PDE3B: variants seen among roughly 807,000 people sequenced by gnomAD.
PDE3B encodes phosphodiesterase 3B.
In PDE3B, 66 loss-of-function variants were observed where a neutral mutation model predicts 116.8. That is an observed-to-expected ratio of 0.56 (90% confidence interval 0.46 to 0.69). The LOEUF is 0.69. Ranked by LOEUF, PDE3B falls within the 30% of genes least tolerant of loss-of-function variation. PDE3B has a pLI of 0.00. For synonymous variants in PDE3B, 595 were observed against 533.6 expected (o/e 1.12, Z -1.59); for missense variants, 1,384 against 1,368.1 (o/e 1.01, Z -0.18).
At chr11:14,659,199 G>C (rs902928446) in intron 1 of PDE3B, among the ~76,000 whole-genome samples, 1 of 152,164 alleles carries the variant, frequency 6.6e-6, no homozygotes, top group African/African-American at 2.4e-5. Context: ...TGCAGGAGTT[G>C]CCTCTAAAAT....
intron 1 of PDE3B, among the ~76,000 whole-genome samples, chr11:14,691,898 C>G (rs1038430398): frequency 1.3e-5 from 2 of 152,082 alleles, no homozygotes; most frequent in Non-Finnish European, 2.9e-5. Flanking sequence ...ATTGTGTTTA[C>G]TAAGATCAAA....
chr11:14,651,760 GTTTAT>G (rs1270917315), intron 1 of PDE3B, among the ~76,000 whole-genome samples: 1 of 152,124 alleles, frequency 6.6e-6, no homozygotes, highest in Non-Finnish European at 1.5e-5. Flanking sequence ...ATATTGAAAA[GTTTAT>G]TTATTCTCCA....
At chr11:14,729,663 T>C (rs950483343) in intron 1 of PDE3B, among the ~76,000 whole-genome samples, 4 of 152,258 alleles carry the variant, frequency 2.6e-5, no homozygotes, top group Admixed American at 2.0e-4. Flanking sequence ...TATTCAGAAG[T>C]TGATTAATCT....
At chr11:14,764,496 G>A (rs759981815) in intron 1 of PDE3B, among the ~76,000 whole-genome samples, 3 of 152,056 alleles carry the variant, frequency 2.0e-5, no homozygotes, top group Non-Finnish European at 2.9e-5. Flanking sequence ...GATGTTACAT[G>A]TACTGCCAAG....
At chr11:14,891,594 A>G in the PDE3B span, 1 of 1,049,820 alleles carries the variant, frequency 9.5e-7, no homozygotes, top group East Asian at 9.3e-5. Flanking sequence ...CAGCTTCCAC[A>G]GAGCTGCGAG....
chr11:14,747,540 G>T (rs1856944275), intron 1 of PDE3B, among the ~76,000 whole-genome samples: 1 of 152,160 alleles, frequency 6.6e-6, no homozygotes, highest in African/African-American at 2.4e-5. Context: ...GTTATTCATT[G>T]TGGTTGACTC....
At chr11:14,666,221 GC>G (rs1166491871) in intron 1 of PDE3B, among the ~76,000 whole-genome samples, 1 of 148,394 alleles carries the variant, frequency 6.7e-6, no homozygotes. Context: ...GGGAAAACTG[GC>G]TAGCCATATG....
In PDE3B at chr11:14,831,696, A is replaced by G. The variant is rs143372203; in HGVS notation, c.2013A>G (p.Ile671Met). 342 of 1,598,004 alleles carry G rather than the reference A, an allele frequency of 2.1e-4. No individual in the cohort carries two copies. The highest frequency in any genetic ancestry group is 3.3e-4 in the Middle Eastern group (2 of 6,038). The change falls in exon 9 of 16, where the codon ATA becomes ATG. Residue 671 changes from isoleucine (I) to methionine (M), a missense_variant. Ile to Met is a conservative substitution (Grantham distance 10). Transcript: ENST00000282096. ...TAGTAGAAGAGTATGACTCATTAAT[A>G]GAAAAGATGAGCAACTGGAATTTTC... The part of the protein sequence containing the change: ...LILVEEYDSL[I>M]EKMSNWNFPI...
the PDE3B span, chr11:14,890,843 C>T: frequency 3.1e-5 from 31 of 985,104 alleles, no homozygotes; most frequent in African/African-American, 5.1e-4. Context: ...CCACCGCGCC[C>T]GGGCACCTAG....
chr11:14,780,906 G>C (rs1857973240), intron 2 of PDE3B, among the ~76,000 whole-genome samples: 1 of 152,076 alleles, frequency 6.6e-6, no homozygotes, highest in African/African-American at 2.4e-5. Flanking sequence ...CAACAAAATT[G>C]ATAGACTGCT....
intron 1 of PDE3B, among the ~76,000 whole-genome samples, chr11:14,761,020 AT>A (rs1186257180): frequency 2.0e-5 from 3 of 151,376 alleles, no homozygotes; most frequent in Non-Finnish European, 4.4e-5. Flanking sequence ...TCCTTCTAGG[AT>A]TTTTTTTTAG....
intron 1 of PDE3B, among the ~76,000 whole-genome samples, chr11:14,700,293 A>G (rs1855325606): frequency 6.6e-6 from 1 of 151,776 alleles, no homozygotes; most frequent in Non-Finnish European, 1.5e-5. Context: ...GCTGAATAAC[A>G]AAAGTCTAAT....
chr11:14,866,680 G>A (rs553072315), intron 14 of PDE3B, among the ~76,000 whole-genome samples: 1 of 152,204 alleles, frequency 6.6e-6, no homozygotes, highest in East Asian at 1.9e-4. Flanking sequence ...CTCCTTACCT[G>A]CAGAATTTGT....
intron 12 of PDE3B, among the ~76,000 whole-genome samples, chr11:14,851,823 A>G (rs1847759990): frequency 6.6e-6 from 1 of 152,156 alleles, no homozygotes; most frequent in South Asian, 2.1e-4. Context: ...GGCATAGTGG[A>G]AAAAGCACTG....
At chr11:14,793,951 ACT>A (rs1004010835) in intron 4 of PDE3B, among the ~76,000 whole-genome samples, 3 of 152,170 alleles carry the variant, frequency 2.0e-5, no homozygotes, top group African/African-American at 7.2e-5. Flanking sequence ...TAAGAGAATA[ACT>A]CTGTAAATTT....
In PDE3B at chr11:14,731,258, T is replaced by A. The variant is rs1259788670; in HGVS notation, c.979-40679T>A. On this transcript the variant is annotated intron_variant, in intron 1 of 15. Coordinates refer to ENST00000282096, the MANE Select transcript of PDE3B (RefSeq NM_000922.4). ...AGTTTTAAAGCATTTTACTTTGATTTTTTTTTTTTTTTTTTTTTGAGACAG... is the reference window on the plus strand; with the variant it reads ...AGTTTTAAAGCATTTTACTTTGATTATTTTTTTTTTTTTTTTTTGAGACAG... Among the ~76,000 whole-genome samples, 8 of 147,774 alleles carry A rather than the reference T, an allele frequency of 5.4e-5. No homozygotes were observed. The South Asian group carries it at 1.5e-3, about 28-fold the overall frequency.
chr11:14,880,843 T>G, the PDE3B span: 1 of 1,408,954 alleles, frequency 7.1e-7, no homozygotes, highest in African/African-American at 1.5e-5. Flanking sequence ...CAAAATTTTT[T>G]TAATGGATGG....
In PDE3B at chr11:14,786,723, T is replaced by G. The variant is rs752182054; in HGVS notation, c.1278+38T>G. 4 of 1,495,494 alleles carry G rather than the reference T, an allele frequency of 2.7e-6. No homozygotes were observed. The African/African-American group carries it at 5.6e-5, about 21-fold the overall frequency. The allele number at this position is 1,495,494 out of a possible 1,614,324, so 92.6% of individuals were successfully genotyped here. ...TAATCATCTAACCCTATTTATCAAATTTAATGATATTTTCAAATTAACTGC... is the reference window on the plus strand; with the variant it reads ...TAATCATCTAACCCTATTTATCAAAGTTAATGATATTTTCAAATTAACTGC... On this transcript the variant is annotated intron_variant, in intron 3 of 15. Transcript: ENST00000282096.
At chr11:14,814,975 A>C (rs1190089636) in intron 5 of PDE3B, among the ~76,000 whole-genome samples, 1 of 151,572 alleles carries the variant, frequency 6.6e-6, no homozygotes, top group African/African-American at 2.4e-5. Flanking sequence ...ATCTCAAAAA[A>C]AGAAAAAAAA....
Sources: allele counts gnomAD v4.1 joint callset (sites outside exome capture counted in the v4.1 genomes callset), GRCh38; gene constraint gnomAD v4.1.1; transcripts MANE v1.5; gene names NCBI Gene and HGNC (gene_info 2026-07-23, HGNC 2026-07-21).